Variants in ELMO1 observed in about 807,000 individuals in gnomAD.
ELMO1 encodes the protein engulfment and cell motility 1.
Under a neutral mutation model 98.9 loss-of-function variants are expected in ELMO1, and 26 were observed. That is an observed-to-expected ratio of 0.26 (90% confidence interval 0.19 to 0.36). The LOEUF (loss-of-function observed/expected upper bound fraction) is 0.36. ELMO1 is among the 10% of genes least tolerant of loss of function. ELMO1 has a pLI of 1.00. For synonymous variants in ELMO1, 346 were observed against 346.0 expected, an observed-to-expected ratio of 1.00 and a Z score of 0.00; for missense variants, 627 against 935.2, an observed-to-expected ratio of 0.67 and a Z score of 4.30.
At chr7:36,934,987 T>C (rs775588311) in intron 16 of ELMO1, among the ~76,000 whole-genome samples, 1 of 152,196 alleles carries the variant, frequency 6.6e-6, no homozygotes, top group Non-Finnish European at 1.5e-5. Flanking sequence ...ACCACCGTGG[T>C]CTCCACCACT....
chr7:37,155,765 C>T (rs1294436278), intron 13 of ELMO1, among the ~76,000 whole-genome samples: 6 of 152,044 alleles, frequency 3.9e-5, no homozygotes, highest in South Asian at 2.1e-4. Flanking sequence ...GACAGATCAA[C>T]GAGACAGAAA....
At chr7:36,988,227 G>A (rs1465132054) in intron 16 of ELMO1, among the ~76,000 whole-genome samples, 1 of 152,164 alleles carries the variant, frequency 6.6e-6, no homozygotes, top group Non-Finnish European at 1.5e-5. Flanking sequence ...CACCCTCAGG[G>A]TGGTGGATGG....
intron 14 of ELMO1, chr7:37,116,870 C>T (rs1179731328): frequency 1.0e-5 from 2 of 194,466 alleles, no homozygotes; most frequent in Admixed American, 5.0e-5. Context: ...TCCACAGGAA[C>T]GAGTGTGTGG....
intron 16 of ELMO1, among the ~76,000 whole-genome samples, chr7:36,965,968 T>C (rs1789392620): frequency 6.6e-6 from 1 of 152,220 alleles, no homozygotes; most frequent in Non-Finnish European, 1.5e-5. Flanking sequence ...CCTTACCAAA[T>C]GCCTTCAAAG....
intron 19 of ELMO1, among the ~76,000 whole-genome samples, chr7:36,875,878 GCAA>G (rs1803920720): frequency 6.6e-6 from 1 of 152,132 alleles, no homozygotes; most frequent in Non-Finnish European, 1.5e-5. Context: ...CTAACACCTG[GCAA>G]ACCTGTCGGT....
At chr7:37,387,504 T>C (rs1248058816) in intron 1 of ELMO1, among the ~76,000 whole-genome samples, 1 of 152,368 alleles carries the variant, frequency 6.6e-6, no homozygotes, top group Middle Eastern at 3.4e-3. Flanking sequence ...TACTCCAGTA[T>C]GATCTCATCT....
intron 13 of ELMO1, among the ~76,000 whole-genome samples, chr7:37,205,539 A>T (rs1792566407): frequency 6.6e-6 from 1 of 152,200 alleles, no homozygotes; most frequent in Non-Finnish European, 1.5e-5. Flanking sequence ...ACATAAAAAC[A>T]GCACTTCAGC....
intron 8 of ELMO1, 49 bp from the exon 9 acceptor site, chr7:37,225,079 G>C (rs760916888): frequency 1.2e-6 from 2 of 1,607,440 alleles, no homozygotes; most frequent in South Asian, 1.1e-5. Context: ...AAGTAGAGCA[G>C]AGACGTGGAG....
intron 6 of ELMO1, 64 bp downstream of exon 6, chr7:37,259,117 T>C (rs17170970): frequency 0.016 from 23,866 of 1,531,458 alleles, 1,084 homozygotes; most frequent in African/African-American, 0.12. Context: ...GTAAGGCATG[T>C]AACAATATTC....
intron 1 of ELMO1, among the ~76,000 whole-genome samples, chr7:37,403,038 AG>A (rs1256248498): frequency 1.3e-5 from 2 of 152,242 alleles, no homozygotes; most frequent in African/African-American, 2.4e-5. Context: ...AAAACCTGCA[AG>A]CAACCGTGAT....
chr7:37,167,685 G>T (rs1424550118), intron 13 of ELMO1, among the ~76,000 whole-genome samples: 1 of 152,218 alleles, frequency 6.6e-6, no homozygotes, highest in Non-Finnish European at 1.5e-5. Context: ...CTTCTGGCTT[G>T]TAGAGTTTCT....
chr7:37,290,880 A>G (rs541064509), intron 4 of ELMO1, among the ~76,000 whole-genome samples: 1 of 152,266 alleles, frequency 6.6e-6, no homozygotes, highest in African/African-American at 2.4e-5. Context: ...GACAGAGAAG[A>G]AGAGGAAGAA....
chr7:37,427,383 G>A (rs897275347), intron 1 of ELMO1, among the ~76,000 whole-genome samples: 4 of 152,208 alleles, frequency 2.6e-5, no homozygotes, highest in Non-Finnish European at 4.4e-5. Context: ...TAGAACTCTT[G>A]CAGCTCTGCA....
chr7:37,239,139 G>A (rs1476571893), intron 7 of ELMO1, among the ~76,000 whole-genome samples: 2 of 151,760 alleles, frequency 1.3e-5, no homozygotes, highest in East Asian at 3.9e-4. Context: ...ACCTGTTATT[G>A]TTGTATGAAG....
intron 13 of ELMO1, among the ~76,000 whole-genome samples, chr7:37,205,130 C>T (rs1480616305): frequency 1.3e-5 from 2 of 152,216 alleles, no homozygotes; most frequent in African/African-American, 4.8e-5. Context: ...CCCCACTTAT[C>T]ACAGACGGGA....
rs1354863973 is a variant in ELMO1 at position 37,267,030 on chromosome 7, T to A, written c.243+4802A>T. Reference sequence around the variant, plus strand: ...TCCATCTAAAAAAAAAAAAAAAATATGTATATATACACACACACACACACA... The same window carrying A: ...TCCATCTAAAAAAAAAAAAAAAATAAGTATATATACACACACACACACACA... On this transcript the variant is annotated intron_variant, in intron 5 of 21. Transcript: ENST00000310758. Among the ~76,000 whole-genome samples the A allele has an allele frequency of 2.0e-3, 41 of 20,894 alleles. 1 individual carries two copies. Among genetic ancestry groups the A allele is most frequent in the African/African-American group, 8.0e-3 (34 of 4,236 alleles). The allele number at this position is 20,894 out of a possible 152,430, so 13.7% of individuals were successfully genotyped here.
At chr7:37,012,725 A>C (rs1409042402) in intron 16 of ELMO1, among the ~76,000 whole-genome samples, 1 of 152,228 alleles carries the variant, frequency 6.6e-6, no homozygotes, top group East Asian at 1.9e-4. Flanking sequence ...CTCAGTTCAA[A>C]GGATCAAATG....
chr7:36,982,397 C>A (rs978443960), intron 16 of ELMO1, among the ~76,000 whole-genome samples: 1 of 152,156 alleles, frequency 6.6e-6, no homozygotes, highest in African/African-American at 2.4e-5. Context: ...TAATACATAT[C>A]ATTAAAATTA....
rs767100751 is a variant in ELMO1 at position 36,862,596 on chromosome 7, C to T, written c.1906-860G>A. On this transcript the variant is annotated intron_variant, in intron 20 of 21. Coordinates refer to ENST00000310758, the MANE Select transcript of ELMO1 (RefSeq NM_014800.11). Reference sequence around the variant, plus strand: ...AAGACGATCATTCTAGTGGTCTGAGCGGTCAGCAGAAGATGAGAGTCATCA... The same window carrying T: ...AAGACGATCATTCTAGTGGTCTGAGTGGTCAGCAGAAGATGAGAGTCATCA... 8.9e-4 allele frequency among the ~76,000 whole-genome samples: 136 copies of T among 152,302 alleles called. 2 individuals carry two copies. Among genetic ancestry groups the T allele is most frequent in the Admixed American group, 5.1e-3 (78 of 15,302 alleles).
Sources: allele counts gnomAD v4.1 joint callset (sites outside exome capture counted in the v4.1 genomes callset), GRCh38; gene constraint gnomAD v4.1.1; transcripts MANE v1.5; gene names NCBI Gene and HGNC (gene_info 2026-07-23, HGNC 2026-07-21).